Variants in AP3B1 observed in about 807,000 individuals in gnomAD.
The protein encoded by AP3B1 is AP-3 complex subunit beta-1.
Under a neutral mutation model 132.5 loss-of-function variants are expected in AP3B1, and 61 were observed. That is an observed-to-expected ratio of 0.46 (90% CI 0.37 to 0.57). AP3B1 has a LOEUF of 0.57. Among genes scored for constraint, AP3B1 ranks in the 20% least tolerant of loss-of-function variants. AP3B1 has a pLI of 0.00. For missense variants in AP3B1, 1,120 were observed against 1,289.4 expected (o/e 0.87, Z 2.01); for synonymous variants, 388 against 438.3 (o/e 0.89, Z 1.43).
chr5:78,293,762 C>T (rs964933396), intron 1 of AP3B1, among the ~76,000 whole-genome samples: 10 of 152,044 alleles, frequency 6.6e-5, no homozygotes, highest in African/African-American at 2.4e-4. Flanking sequence ...CTCGGTGATA[C>T]TTTTTACAAA....
chr5:78,068,906 C>A (rs1749413204), intron 22 of AP3B1, among the ~76,000 whole-genome samples: 1 of 152,164 alleles, frequency 6.6e-6, no homozygotes, highest in Admixed American at 6.5e-5. Context: ...AGCTTACCCA[C>A]CATGATTAAG....
chr5:78,176,785 A>T (rs1410728994), intron 9 of AP3B1, among the ~76,000 whole-genome samples: 1 of 152,228 alleles, frequency 6.6e-6, no homozygotes, highest in African/African-American at 2.4e-5. Context: ...CTGTCTGTCT[A>T]TCTGAAACTA....
intron 17 of AP3B1, among the ~76,000 whole-genome samples, chr5:78,118,529 C>T (rs978412768): frequency 1.3e-5 from 2 of 152,184 alleles, no homozygotes; most frequent in Non-Finnish European, 2.9e-5. Context: ...AGATTATATC[C>T]CACACCTGGC....
chr5:78,019,678 A>T lies in AP3B1; in HGVS notation c.2992+1014T>A, dbSNP rs79177452. Among the ~76,000 whole-genome samples, 243 of 152,254 alleles carry T rather than the reference A, an allele frequency of 1.6e-3. 1 individual carries two copies. In the East Asian group the frequency reaches 0.024, roughly 15 times the overall value. Reference sequence around the variant, plus strand: ...TATTGCTTAAATAATGCCCAGCAAAAATATTACTATTAATTTATGGACTTG... The same window carrying T: ...TATTGCTTAAATAATGCCCAGCAAATATATTACTATTAATTTATGGACTTG... On this transcript the variant is annotated intron_variant, in intron 25 of 26. Transcript: ENST00000255194.
chr5:78,097,658 G>A (rs1750926584), intron 21 of AP3B1, among the ~76,000 whole-genome samples: 1 of 150,224 alleles, frequency 6.7e-6, no homozygotes, highest in Non-Finnish European at 1.5e-5. Context: ...GGGAGGTGGG[G>A]GGGTCAGCCC....
At chr5:78,146,612 CAT>C (rs1753407829) in intron 14 of AP3B1, among the ~76,000 whole-genome samples, 1 of 152,080 alleles carries the variant, frequency 6.6e-6, no homozygotes, top group Non-Finnish European at 1.5e-5. Flanking sequence ...CTTTTCAACT[CAT>C]ATATATTTTT....
At chr5:78,155,883 T>G (rs1433772915) in intron 14 of AP3B1, among the ~76,000 whole-genome samples, 1 of 152,046 alleles carries the variant, frequency 6.6e-6, no homozygotes, top group Non-Finnish European at 1.5e-5. Flanking sequence ...AAAAACAAAA[T>G]CTGTGCACAA....
At chr5:78,040,940 T>G (rs1424476511) in intron 22 of AP3B1, among the ~76,000 whole-genome samples, 1 of 152,152 alleles carries the variant, frequency 6.6e-6, no homozygotes, top group Non-Finnish European at 1.5e-5. Context: ...ATAGTATTCT[T>G]TCTCTAAAAG....
chr5:78,061,198 T>C (rs1236527133), intron 22 of AP3B1, among the ~76,000 whole-genome samples: 3 of 151,680 alleles, frequency 2.0e-5, no homozygotes, highest in Admixed American at 6.6e-5. Context: ...GACTGATGAA[T>C]TGATAACCTT....
chr5:78,097,671 C>T (rs868258018), intron 21 of AP3B1, among the ~76,000 whole-genome samples: 7 of 148,432 alleles, frequency 4.7e-5, no homozygotes, highest in East Asian at 2.0e-4. Flanking sequence ...GTCAGCCCCC[C>T]GCCCGGCCAG....
intron 3 of AP3B1, among the ~76,000 whole-genome samples, chr5:78,234,520 C>T (rs1403468663): frequency 6.6e-6 from 1 of 152,106 alleles, no homozygotes; most frequent in Non-Finnish European, 1.5e-5. Flanking sequence ...GCAATTAACA[C>T]GTGGTTGACT....
At position 78,125,469 on chromosome 5, in the gene AP3B1, A is replaced by G. The variant is rs1246482170; in HGVS notation, c.1968+2561T>C. Among the ~76,000 whole-genome samples the G allele has an allele frequency of 5.3e-5, 8 of 152,326 alleles. 1 individual carries two copies. In the East Asian group the frequency reaches 1.5e-3, roughly 29 times the overall value. ...TAGAATAACATAGTATATTATATGCATGAAATACAGTGACATGACTTGGAA... is the reference window on the plus strand; with the variant it reads ...TAGAATAACATAGTATATTATATGCGTGAAATACAGTGACATGACTTGGAA... On this transcript the variant is annotated intron_variant, in intron 17 of 26. Coordinates refer to ENST00000255194, the MANE Select transcript of AP3B1 (RefSeq NM_003664.5).
chr5:78,040,375 T>C (rs969057288), intron 22 of AP3B1, among the ~76,000 whole-genome samples: 2 of 152,226 alleles, frequency 1.3e-5, no homozygotes, highest in African/African-American at 4.8e-5. Context: ...GCCTTGATTG[T>C]CCTGTTAAAC....
At position 78,033,840 on chromosome 5, in the gene AP3B1, TTC is replaced by T. The variant is rs548588247; in HGVS notation, c.2894+519_2894+520del. ...GAAACCTTTGCCAACTGCATAAATG[TTC>T]TCTTTTGACTTTTATCAAAGCAGTT... On this transcript the variant is annotated intron_variant, in intron 24 of 26. Transcript: ENST00000255194. 4.2e-3 allele frequency among the ~76,000 whole-genome samples: 640 copies of T among 152,044 alleles called. 8 individuals carry two copies. Among genetic ancestry groups the T allele is most frequent in the Non-Finnish European group, 3.1e-3 (209 of 67,832 alleles).
intron 2 of AP3B1, among the ~76,000 whole-genome samples, chr5:78,265,298 C>G (rs981441660): frequency 5.9e-5 from 9 of 151,954 alleles, no homozygotes; most frequent in African/African-American, 1.9e-4. Flanking sequence ...AAAAAATTAG[C>G]TGGGCATAGT....
intron 26 of AP3B1, among the ~76,000 whole-genome samples, chr5:78,012,516 T>A (rs1462858544): frequency 6.6e-6 from 1 of 152,252 alleles, no homozygotes; most frequent in Admixed American, 6.5e-5. Flanking sequence ...TTTAGAACAT[T>A]ATTACAGTCA....
intron 2 of AP3B1, among the ~76,000 whole-genome samples, chr5:78,247,120 T>A (rs61067260): frequency 6.6e-6 from 1 of 151,604 alleles, no homozygotes; most frequent in Non-Finnish European, 1.5e-5. Context: ...TTCAAATATT[T>A]TAAAAAAATT....
In AP3B1 at chr5:78,071,558, TTAAAATAAA is replaced by T. The variant is rs1353482334; in HGVS notation, c.2577+17826_2577+17834del. Among the ~76,000 whole-genome samples, 7 of 152,158 alleles carry T rather than the reference TTAAAATAAA, an allele frequency of 4.6e-5. 1 individual carries two copies. The highest frequency in any genetic ancestry group is 6.5e-5 in the Admixed American group (1 of 15,282). On this transcript the variant is annotated intron_variant, in intron 22 of 26. Transcript: ENST00000255194. ...ACATCTTGCACATGTATCCTGGAAC[TTAAAATAAA>T]TAAAATAAAAATAAATAAACACTCA...
chr5:78,186,419 G>T (rs1561465098), intron 7 of AP3B1, among the ~76,000 whole-genome samples: 1 of 152,150 alleles, frequency 6.6e-6, no homozygotes, highest in African/African-American at 2.4e-5. Flanking sequence ...GTTGCCAGGG[G>T]TTAAGGGTTG....
Sources: gnomAD v4.1 joint callset for allele counts (sites outside exome capture counted in the v4.1 genomes callset) on GRCh38, gnomAD v4.1.1 for gene constraint, MANE v1.5 for transcripts, NCBI Gene and HGNC (gene_info 2026-07-23, HGNC 2026-07-21) for gene names.